SRRM3: variants seen among roughly 807,000 people sequenced by gnomAD.
SRRM3 encodes serine/arginine repetitive matrix 3.
SRRM3 carries 27 observed loss-of-function variants against 66.2 expected under a neutral mutation model. That is an observed-to-expected ratio of 0.41 (90% CI 0.30 to 0.56). The LOEUF is 0.56. SRRM3 is among the 20% of genes least tolerant of loss of function. The pLI is 0.32. For synonymous variants in SRRM3, 391 were observed against 414.9 expected (o/e 0.94, Z 0.70); for missense variants, 918 against 991.9 (o/e 0.93, Z 1.00).
chr7:76,255,148 C>CTTTTTTTTTTTTTTT lies in SRRM3; in HGVS notation c.336-4753_336-4739dup, dbSNP rs57880700. The stretch of plus-strand genomic sequence containing the variant: ...CTTTTCTTTCTTTCTTTCTTTCTTT[C>CTTTTTTTTTTTTTTT]TTTTTTTTTTTTTTTTTTTGAGATG... On this transcript the variant is annotated intron_variant, in intron 3 of 14. Transcript: ENST00000611745. Among the ~76,000 whole-genome samples, 110 of 83,166 alleles carry CTTTTTTTTTTTTTTT rather than the reference C, an allele frequency of 1.3e-3. 2 individuals carry two copies. Among genetic ancestry groups the CTTTTTTTTTTTTTTT allele is most frequent in the East Asian group, 4.0e-3 (9 of 2,254 alleles). 54.6% of individuals were successfully genotyped at this position (83,166 alleles called of 152,430 possible).
At chr7:76,228,700 G>A (rs1208165808) in intron 1 of SRRM3, among the ~76,000 whole-genome samples, 2 of 152,028 alleles carry the variant, frequency 1.3e-5, no homozygotes, top group East Asian at 1.9e-4. Flanking sequence ...CTCCAGCCCA[G>A]GCAACAGTGC....
At chr7:76,265,558 G>T in intron 10 of SRRM3, 90 bp downstream of exon 10, 1 of 1,024,998 alleles carries the variant, frequency 9.8e-7, no homozygotes. Context: ...AGGGCTGGTG[G>T]ACAGAATGTC....
chr7:76,264,783 C>T lies in SRRM3; in HGVS notation c.693C>T (p.Cys231=), dbSNP rs781902437. 3 of 1,613,742 alleles carry T rather than the reference C, an allele frequency of 1.9e-6. No homozygotes were observed. Among genetic ancestry groups the T allele is most frequent in the Admixed American group, 1.7e-5 (1 of 60,000 alleles). ...TCTGCAGATCTCGAAGCTCCAAGTG[C>T]AAAAGAAAAGAGAAGAACAAAGAGA... The part of the protein sequence containing the change: ...KRRHRSRSSK[C]KRKEKNKEKK... Residue 231 remains cysteine, a synonymous_variant, in exon 9 of 15, where the codon TGC becomes TGT. Transcript: ENST00000611745.
intron 1 of SRRM3, among the ~76,000 whole-genome samples, chr7:76,202,730 C>A (rs993489584): frequency 1.4e-4 from 22 of 152,248 alleles, no homozygotes; most frequent in Admixed American, 9.8e-4. Context: ...CAGAGTTAGA[C>A]CTGCGCCAGA....
At chr7:76,284,366 C>T (rs1051270929) in intron 14 of SRRM3, among the ~76,000 whole-genome samples, 3 of 152,080 alleles carry the variant, frequency 2.0e-5, no homozygotes, top group Admixed American at 6.6e-5. Flanking sequence ...TTAGTAGAGA[C>T]GGGGTTTCAC....
At chr7:76,257,443 TAA>T (rs34478728) in intron 3 of SRRM3, among the ~76,000 whole-genome samples, 1,869 of 95,264 alleles carry the variant, frequency 0.02, 34 homozygotes, top group African/African-American at 0.05. Context: ...CTTGTTCAAT[TAA>T]AAAAAAAAAA....
At chr7:76,260,450 A>C (rs1353740362) in intron 5 of SRRM3, among the ~76,000 whole-genome samples, 3 of 54,680 alleles carry the variant, frequency 5.5e-5, no homozygotes, top group Non-Finnish European at 7.3e-5. Context: ...CCGCCCCCCA[A>C]GGAGCCCCTC....
At chr7:76,267,199 T>C (rs1056847982) in intron 10 of SRRM3, 59 bp from the exon 11 acceptor site, 1 of 1,417,598 alleles carries the variant, frequency 7.1e-7, no homozygotes. Flanking sequence ...GAGGCGCAAC[T>C]GCTTGCAAAG....
At chr7:76,243,198 C>T (rs1801352763) in intron 2 of SRRM3, among the ~76,000 whole-genome samples, 1 of 152,182 alleles carries the variant, frequency 6.6e-6, no homozygotes, top group Admixed American at 6.5e-5. Flanking sequence ...CTGGGAGAAG[C>T]ACATGGACTT....
At chr7:76,242,682 A>G (rs1472076425) in intron 2 of SRRM3, among the ~76,000 whole-genome samples, 3 of 152,140 alleles carry the variant, frequency 2.0e-5, no homozygotes, top group African/African-American at 4.8e-5. Context: ...GCAGCTAGAC[A>G]GTCCCATCTG....
intron 2 of SRRM3, among the ~76,000 whole-genome samples, chr7:76,241,461 G>A (rs2117012169): frequency 6.6e-6 from 1 of 152,298 alleles, no homozygotes; most frequent in South Asian, 2.1e-4. Flanking sequence ...TGTCCCCACT[G>A]CTCTGGGACA....
In SRRM3 at chr7:76,282,666, G is replaced by T. The variant is rs1330656737; in HGVS notation, c.1389G>T (p.Pro463=). Residue 463 remains proline, a synonymous_variant, in exon 13 of 15, where the codon CCG becomes CCT. Coordinates refer to ENST00000611745, the MANE Select transcript of SRRM3 (RefSeq NM_001110199.3). ...GHGKRAKERP[P]RARPASTSPS... ...CCTCCAGGGCCAAGGAGCGGCCCCC[G>T]CGCGCGCGGCCCGCCAGCACCTCTC... The T allele has an allele frequency of 2.6e-6, 3 of 1,173,678 alleles. No homozygotes were observed. The highest frequency in any genetic ancestry group is 3.7e-5 in the African/African-American group (2 of 54,168). The allele number at this position is 1,173,678 out of a possible 1,614,324, so 72.7% of individuals were successfully genotyped here.
intron 3 of SRRM3, among the ~76,000 whole-genome samples, chr7:76,248,750 A>G (rs1023929650): frequency 6.6e-6 from 1 of 152,172 alleles, no homozygotes; most frequent in Non-Finnish European, 1.5e-5. Flanking sequence ...AGGCCAAGTC[A>G]GGCAGATCGC....
chr7:76,249,227 T>C (rs1201764658), intron 3 of SRRM3, among the ~76,000 whole-genome samples: 4 of 150,660 alleles, frequency 2.7e-5, no homozygotes, highest in Admixed American at 2.6e-4. Context: ...CTCTACAAAA[T>C]ACACAAAAAT....
At chr7:76,243,678 A>G (rs1563622236) in intron 2 of SRRM3, among the ~76,000 whole-genome samples, 1 of 151,964 alleles carries the variant, frequency 6.6e-6, no homozygotes, top group Non-Finnish European at 1.5e-5. Context: ...AGCCCCCCAC[A>G]AGCAGCTGGG....
At chr7:76,279,216 G>T (rs546827264) in intron 11 of SRRM3, among the ~76,000 whole-genome samples, 1 of 152,002 alleles carries the variant, frequency 6.6e-6, no homozygotes, top group Non-Finnish European at 1.5e-5. Context: ...CCCAGATCAC[G>T]CCAGTGCACT....
At chr7:76,240,769 A>T (rs1423136059) in intron 2 of SRRM3, among the ~76,000 whole-genome samples, 2 of 152,188 alleles carry the variant, frequency 1.3e-5, no homozygotes, top group Non-Finnish European at 2.9e-5. Context: ...ATAGAGTGGC[A>T]TGAGGACTAA....
intron 1 of SRRM3, among the ~76,000 whole-genome samples, chr7:76,209,604 ATTTTTT>A (rs11290590): frequency 1.5e-5 from 2 of 136,816 alleles, no homozygotes; most frequent in African/African-American, 2.7e-5. Context: ...AAGAGTTGGA[ATTTTTT>A]TTTTTTTTTT....
At chr7:76,281,289 C>T (rs1251610694) in intron 11 of SRRM3, among the ~76,000 whole-genome samples, 152 bp from the exon 12 acceptor site, 1 of 151,286 alleles carries the variant, frequency 6.6e-6, no homozygotes, top group Non-Finnish European at 1.5e-5. Flanking sequence ...CTCTTTCTGT[C>T]TCTGTCTCTC....
Sources: gnomAD v4.1 joint callset for allele counts (sites outside exome capture counted in the v4.1 genomes callset) on GRCh38, gnomAD v4.1.1 for gene constraint, MANE v1.5 for transcripts, NCBI Gene and HGNC (gene_info 2026-07-23, HGNC 2026-07-21) for gene names.